Variants in FANCD2 observed in about 807,000 individuals in gnomAD.
FANCD2 encodes FA complementation group D2.
FANCD2 carries 131 observed loss-of-function variants against 192.3 expected under a neutral mutation model. The observed-to-expected ratio is 0.68, with a 90% CI of 0.59 to 0.79. The LOEUF is 0.79. FANCD2 is among the 30% of genes least tolerant of loss of function. The pLI is 0.00. For missense variants in FANCD2, 1,508 were observed against 1,701.6 expected, an observed-to-expected ratio of 0.89 and a Z score of 2.00; for synonymous variants, 524 against 612.5, an observed-to-expected ratio of 0.86 and a Z score of 2.13.
At chr3:10,033,324 C>G (rs1427746880) in intron 3 of FANCD2, among the ~76,000 whole-genome samples, 1 of 152,066 alleles carries the variant, frequency 6.6e-6, no homozygotes, top group Non-Finnish European at 1.5e-5. Context: ...TTGCTTGAAC[C>G]CGGGAGGTGA....
chr3:10,096,505 T>A (rs2272124), intron 42 of FANCD2, 33 bp downstream of exon 42: 1 of 1,607,588 alleles, frequency 6.2e-7, no homozygotes, highest in South Asian at 1.1e-5. Flanking sequence ...GATAATCCCC[T>A]ACTCTTATTC....
chr3:10,043,066 G>A lies in FANCD2; in HGVS notation c.905G>A (p.Arg302Gln), dbSNP rs755797932. The change falls in exon 12 of 44, where the codon CGG (arginine) becomes CAG (glutamine). Residue 302 changes from arginine (R) to glutamine (Q), a missense_variant. Around this residue, in one of 5 missense-constraint regions of FANCD2, gnomAD observed 435 missense variants for 421.9 expected, o/e 1.03. Coordinates refer to ENST00000675286, the MANE Select transcript of FANCD2 (RefSeq NM_001018115.3). ...MDTLEVISEL[R>Q]EKLDLQHCVL... ...TTTCTGCAGGTAATTTCTGAGCTTC[G>A]GGAGAAGTTGGATCTGCAGCATTGT... is the stretch of plus-strand genomic sequence containing the variant. 9 of 1,613,968 alleles carry A rather than the reference G, an allele frequency of 5.6e-6. No homozygotes were observed. Among genetic ancestry groups the A allele is most frequent in the South Asian group, 4.4e-5 (4 of 91,074 alleles).
In FANCD2 at chr3:10,050,809, G is replaced by A. The variant is rs1316218918; in HGVS notation, c.1545+1304G>A. Among the ~76,000 whole-genome samples the A allele has an allele frequency of 4.6e-5, 7 of 152,076 alleles. No individual in the cohort carries two copies. The South Asian group carries it at 6.2e-4, about 14-fold the overall frequency. Reference sequence around the variant, plus strand: ...GAGTTTCAAGAGTGAGGGATTGGCCGGGCACAGTGACTCATGCTTGTAATA... The same window carrying A: ...GAGTTTCAAGAGTGAGGGATTGGCCAGGCACAGTGACTCATGCTTGTAATA... On this transcript the variant is annotated intron_variant, in intron 17 of 43. Transcript: ENST00000675286.
intron 35 of FANCD2, 56 bp downstream of exon 35, chr3:10,088,598 G>A: frequency 2.3e-6 from 3 of 1,301,294 alleles, no homozygotes; most frequent in Non-Finnish European, 3.3e-6. Context: ...TTTTGCTACT[G>A]TTGTTTGTCA....
At chr3:10,087,287 T>TTTTC (rs1367218655) in intron 34 of FANCD2, 23 bp downstream of exon 34, 5 of 1,580,184 alleles carry the variant, frequency 3.2e-6, no homozygotes, top group Non-Finnish European at 4.3e-6. Context: ...GATCCTTTTT[T>TTTTC]TTTTTTTTTT....
chr3:10,053,363 C>T (rs1240713279), intron 18 of FANCD2, among the ~76,000 whole-genome samples: 1 of 143,750 alleles, frequency 7.0e-6, no homozygotes, highest in Admixed American at 7.2e-5. Flanking sequence ...GAACATCACA[C>T]TCTGGGGACT....
chr3:10,035,241 T>C lies in FANCD2; in HGVS notation c.438+8T>C. On this transcript the variant is annotated splice_region_variant and intron_variant, in intron 6 of 43. Coordinates refer to ENST00000675286, the MANE Select transcript of FANCD2 (RefSeq NM_001018115.3). ...GGGATTGACATACTGCAGGTAAGACTGTCACTTTTTCTGTGAACATTTGAT... is the reference window on the plus strand; with the variant it reads ...GGGATTGACATACTGCAGGTAAGACCGTCACTTTTTCTGTGAACATTTGAT... The C allele has an allele frequency of 6.2e-7, 1 of 1,611,626 alleles. No homozygotes were observed. The highest frequency in any genetic ancestry group is 8.5e-7 in the Non-Finnish European group (1 of 1,177,796).
rs1693439187 is a variant in FANCD2 at position 10,074,649 on chromosome 3, CT to C, written c.2837del (p.Leu946Ter). On this transcript the variant is annotated frameshift_variant, in exon 29 of 44. Coordinates refer to ENST00000675286, the MANE Select transcript of FANCD2 (RefSeq NM_001018115.3). LOFTEE classifies it high-confidence loss of function. ...ATTGTGGACTTGTGACGAAGTTCAT[CT>C]TAGATACTGAAATGCACACTGAAGT... is the stretch of plus-strand genomic sequence containing the variant. ...LHCGLVTKFI[L>X]DTEMHTEATE... 7.4e-6 allele frequency: 12 copies of C among 1,613,766 alleles called. No individual in the cohort carries two copies. Among genetic ancestry groups the C allele is most frequent in the Non-Finnish European group, 9.3e-6 (11 of 1,179,858 alleles).
chr3:10,029,710 G>A (rs1340431135), intron 2 of FANCD2, among the ~76,000 whole-genome samples: 1 of 152,144 alleles, frequency 6.6e-6, no homozygotes, highest in Admixed American at 6.6e-5. Context: ...TACCCAATGT[G>A]TATTTTTTCA....
chr3:10,056,571 ACCC>A lies in FANCD2; in HGVS notation c.1657-3722_1657-3720del, dbSNP rs2125021102. ...TTTTTAGATAGGGTCTTATTCTGTT[ACCC>A]AAGCTGCAGTGCAGTGGCGTGATCA... is the stretch of plus-strand genomic sequence containing the variant. On this transcript the variant is annotated intron_variant, in intron 18 of 43. Coordinates refer to ENST00000675286, the MANE Select transcript of FANCD2 (RefSeq NM_001018115.3). Among the ~76,000 whole-genome samples, 3 of 152,200 alleles carry A rather than the reference ACCC, an allele frequency of 2.0e-5. No homozygotes were observed. In the East Asian group the frequency reaches 5.8e-4, roughly 29 times the overall value.
At chr3:10,092,135 G>A (rs1559407018) in intron 37 of FANCD2, 46 bp from the exon 38 acceptor site, 1 of 1,231,140 alleles carries the variant, frequency 8.1e-7, no homozygotes, top group Non-Finnish European at 1.2e-6. Context: ...AGTAAGGGAA[G>A]TATTTGGCTG....
At chr3:10,035,918 T>TG (rs1490636022) in intron 6 of FANCD2, among the ~76,000 whole-genome samples, 26 of 152,116 alleles carry the variant, frequency 1.7e-4, no homozygotes, top group Admixed American at 5.2e-4. Context: ...ATTTTAACGT[T>TG]GCCTTGATAA....
At chr3:10,028,528 TC>T (rs1422309406) in intron 1 of FANCD2, 96 bp from the exon 2 acceptor site, 3 of 792,036 alleles carry the variant, frequency 3.8e-6, no homozygotes, top group African/African-American at 1.7e-5. Context: ...TGTGAGCCCC[TC>T]TGATTTTGGA....
rs781725867 is a variant in FANCD2, at chr3:10,088,434, CTTCTT to C, written c.3467-10_3467-6del. ...GTTCCCATATGTAAGATTCCTTTGT[CTTCTT>C]TTCTAACAGCTTCCCTTGCCAGACA... On this transcript the variant is annotated splice_polypyrimidine_tract_variant and intron_variant, in intron 34 of 43. Coordinates refer to ENST00000675286, the MANE Select transcript of FANCD2 (RefSeq NM_001018115.3). The C allele has an allele frequency of 6.4e-7, 1 of 1,551,064 alleles. No homozygotes were observed. Among genetic ancestry groups the C allele is most frequent in the Non-Finnish European group, 8.9e-7 (1 of 1,122,656 alleles).
Position 10,073,260 on chromosome 3 carries a change from A to C in FANCD2, c.2613A>C (p.Lys871Asn), listed in dbSNP as rs56041034. The C allele has an allele frequency of 1.4e-4, 230 of 1,586,850 alleles. No individual in the cohort carries two copies. In the African/African-American group the frequency reaches 2.0e-3, roughly 14 times the overall value. The change falls in exon 28 of 44, where the codon AAA becomes AAC. Residue 871 changes from lysine (K) to asparagine (N), a missense_variant. This residue lies in a region of FANCD2 where 796 missense variants were observed against 879.4 expected (regional missense o/e 0.91). Coordinates refer to ENST00000675286, the MANE Select transcript of FANCD2 (RefSeq NM_001018115.3). Reference sequence around the variant, plus strand: ...CTCTTTTTAATATAAAAGAAAGGAAACAAAAAACAGATGGCAGCAAGACAT... The same window carrying C: ...CTCTTTTTAATATAAAAGAAAGGAACCAAAAAACAGATGGCAGCAAGACAT... ...KIRKKGKIER[K>N]QKTDGSKTSS...
rs1195780243 is a variant in FANCD2, at chr3:10,081,157, A to G, written c.3034A>G (p.Ile1012Val). The change falls in exon 31 of 44, where the codon ATT (isoleucine) becomes GTT (valine). Residue 1012 changes from isoleucine (I) to valine (V), a missense_variant. By Grantham distance (29) the Ile-to-Val change is conservative. This residue lies in a region of FANCD2 where 796 missense variants were observed against 879.4 expected (regional missense o/e 0.91). Coordinates refer to ENST00000675286, the MANE Select transcript of FANCD2 (RefSeq NM_001018115.3). ...SHLQQRSAQEIVHCVFQLLTP... is the reference protein window; with the variant it reads ...SHLQQRSAQEVVHCVFQLLTP... The stretch of plus-strand genomic sequence containing the variant: ...TCTCCAACAGAGATCTGCCCAAGAA[A>G]TTGTTCATTGTGTTTTTCAACTGCT... 1 of 1,614,160 alleles carries G rather than the reference A, an allele frequency of 6.2e-7. No individual in the cohort carries two copies. The highest frequency in any genetic ancestry group is 8.5e-7 in the Non-Finnish European group (1 of 1,180,022).
At chr3:10,044,781 A>G (rs1400941409) in intron 14 of FANCD2, among the ~76,000 whole-genome samples, 2 of 152,244 alleles carry the variant, frequency 1.3e-5, no homozygotes, top group Non-Finnish European at 2.9e-5. Context: ...AAAAATATCA[A>G]AGTACTCCAA....
chr3:10,031,409 G>A (rs1031114943), intron 2 of FANCD2, among the ~76,000 whole-genome samples: 1 of 151,814 alleles, frequency 6.6e-6, no homozygotes, highest in South Asian at 2.1e-4. Flanking sequence ...GGCTGAGGCA[G>A]GAGAATGGCA....
rs1694179932 is a variant in FANCD2, at chr3:10,086,057, A to G, written c.3335+135A>G. ...TTATTTTCAGCTACTCTCCTCATAT[A>G]TGAGCTTTCTCATCTATGTATTCTG... On this transcript the variant is annotated intron_variant, in intron 33 of 43. Transcript: ENST00000675286. The G allele has an allele frequency of 4.3e-6, 3 of 696,378 alleles. No individual in the cohort carries two copies. In the Admixed American group the frequency reaches 6.1e-5, roughly 14 times the overall value. The allele number at this position is 696,378 out of a possible 1,614,324, so 43.1% of individuals were successfully genotyped here. A position where few individuals can be genotyped will look rare whatever the true frequency, so the allele number is the denominator to read the frequency against.
Sources: gnomAD v4.1 joint callset for allele counts (sites outside exome capture counted in the v4.1 genomes callset) on GRCh38, gnomAD v4.1.1 for gene constraint, gnomAD v4.1.1 regional missense constraint, MANE v1.5 for transcripts, NCBI Gene and HGNC (gene_info 2026-07-23, HGNC 2026-07-21) for gene names.